The following OTOGL variants were observed in gnomAD, a reference collection of about 807,000 sequenced individuals.
The protein encoded by OTOGL is otogelin-like protein.
Under a neutral mutation model 318.5 loss-of-function variants are expected in OTOGL, and 285 were observed. The ratio of observed to expected loss-of-function variants is 0.89; its 90% CI spans 0.81 to 0.99. The LOEUF is 0.99. OTOGL is among the 50% of genes least tolerant of loss of function. The probability of loss-of-function intolerance (pLI) is 0.00; values close to 1 mark genes in which losing one functional copy is unlikely to be tolerated. For synonymous variants in OTOGL, 987 were observed against 936.5 expected (o/e 1.05, Z -0.99); for missense variants, 2,899 against 2,845.6 (o/e 1.02, Z -0.43).
intron 56 of OTOGL, among the ~76,000 whole-genome samples, chr12:80,371,246 AT>A (rs1167949052): frequency 6.6e-6 from 1 of 152,084 alleles, no homozygotes; most frequent in East Asian, 1.9e-4. Context: ...ATTTTGCAAG[AT>A]TTTTGTAGCT....
chr12:80,171,276 C>T (rs767580372), intron 1 of OTOGL, among the ~76,000 whole-genome samples: 9 of 152,036 alleles, frequency 5.9e-5, no homozygotes, highest in Non-Finnish European at 1.2e-4. Context: ...GATGGAGTCT[C>T]ACTATGTTGC....
chr12:80,239,470 A>T (rs749448888), intron 11 of OTOGL, 31 bp downstream of exon 11: 2 of 1,460,904 alleles, frequency 1.4e-6, no homozygotes, highest in East Asian at 4.8e-5. Flanking sequence ...TTGTAATAAA[A>T]TTTTCTTTAT....
chr12:80,290,789 C>G (rs1396389405), intron 26 of OTOGL, among the ~76,000 whole-genome samples: 1 of 152,154 alleles, frequency 6.6e-6, no homozygotes, highest in Non-Finnish European at 1.5e-5. Flanking sequence ...TTATTTCATT[C>G]ATTTAATAAA....
chr12:80,345,749 A>G (rs892435601), intron 44 of OTOGL, among the ~76,000 whole-genome samples: 19 of 152,228 alleles, frequency 1.2e-4, no homozygotes, highest in African/African-American at 3.6e-4. Flanking sequence ...GAGATAATTG[A>G]CTGTAGGACC....
chr12:80,198,634 A>G (rs1343795449), intron 1 of OTOGL, among the ~76,000 whole-genome samples: 1 of 152,190 alleles, frequency 6.6e-6, no homozygotes, highest in Non-Finnish European at 1.5e-5. Context: ...AAATAAATAA[A>G]CAAAACAACT....
chr12:80,100,416 T>A (rs1442077346), intron 1 of OTOGL, among the ~76,000 whole-genome samples: 1 of 152,198 alleles, frequency 6.6e-6, no homozygotes, highest in Non-Finnish European at 1.5e-5. Context: ...TATATCTTTT[T>A]ATCTAAATAT....
chr12:80,196,068 A>G (rs1249050754), intron 1 of OTOGL, among the ~76,000 whole-genome samples: 3 of 152,190 alleles, frequency 2.0e-5, no homozygotes, highest in Admixed American at 6.5e-5. Flanking sequence ...TGGGAGTTCA[A>G]TCTGGCTCTT....
chr12:80,168,190 C>T (rs1166762141), intron 1 of OTOGL, among the ~76,000 whole-genome samples: 1 of 152,036 alleles, frequency 6.6e-6, no homozygotes, highest in Non-Finnish European at 1.5e-5. Flanking sequence ...CTCCTGAGCT[C>T]AAAGTGGTCT....
At chr12:80,184,430 T>C (rs1422551184) in intron 1 of OTOGL, among the ~76,000 whole-genome samples, 1 of 152,190 alleles carries the variant, frequency 6.6e-6, no homozygotes, top group Non-Finnish European at 1.5e-5. Context: ...AAAAGACGTA[T>C]TTTTTTCTCT....
chr12:80,107,027 A>T (rs1334515933), intron 1 of OTOGL, among the ~76,000 whole-genome samples: 1 of 152,156 alleles, frequency 6.6e-6, no homozygotes, highest in Non-Finnish European at 1.5e-5. Flanking sequence ...ATAGTAATTT[A>T]TATTGAATAG....
intron 24 of OTOGL, among the ~76,000 whole-genome samples, chr12:80,275,432 C>T (rs1264943969): frequency 4.6e-5 from 7 of 151,756 alleles, no homozygotes; most frequent in Admixed American, 1.3e-4. Context: ...CTTGAATGGA[C>T]GAGGAGTTGC....
rs866396315 is a variant in OTOGL, at chr12:80,307,153, G to A, written c.3333+1458G>A. ...GGTCACCGATCAACAGGATCCCAAG[G>A]CAGAAGAATTTTTCTTAGTACAGAA... On this transcript the variant is annotated intron_variant, in intron 29 of 58. Coordinates refer to ENST00000547103, the MANE Select transcript of OTOGL (RefSeq NM_001378609.3). Among the ~76,000 whole-genome samples, 81 of 151,122 alleles carry A rather than the reference G, an allele frequency of 5.4e-4. No individual in the cohort carries two copies. In the Middle Eastern group the frequency reaches 0.014, roughly 25 times the overall value.
At chr12:80,180,766 G>C (rs1592523949) in intron 1 of OTOGL, among the ~76,000 whole-genome samples, 1 of 152,180 alleles carries the variant, frequency 6.6e-6, no homozygotes, top group East Asian at 1.9e-4. Flanking sequence ...CAGTGTCAAG[G>C]AGGGGGTAGT....
chr12:80,318,637 G>A lies in OTOGL; in HGVS notation c.3726G>A (p.Leu1242=). The change falls in exon 33 of 59, where the codon TTG becomes TTA. Residue 1242 remains leucine, a synonymous_variant. Transcript: ENST00000547103. ...TGACCAGCAGAAGCGTTTTCTGTTT[G>A]CCGAGAAGCAGTGTTCATACCAGTT... ...ANMTSRSVFC[L]PRSSVHTSLF... is the part of the protein sequence containing the mutation. 1.4e-6 allele frequency: 2 copies of A among 1,474,268 alleles called. No individual in the cohort carries two copies. Among genetic ancestry groups the A allele is most frequent in the Non-Finnish European group, 1.8e-6 (2 of 1,110,916 alleles). The allele number at this position is 1,474,268 out of a possible 1,614,324, so 91.3% of individuals were successfully genotyped here. A position where few individuals can be genotyped will look rare whatever the true frequency, so the allele number is the denominator to read the frequency against.
intron 40 of OTOGL, 102 bp downstream of exon 40, chr12:80,336,657 A>G (rs907253835): frequency 1.4e-6 from 2 of 1,439,428 alleles, no homozygotes; most frequent in African/African-American, 1.4e-5. Flanking sequence ...TCAAGAACTC[A>G]CTGAGATCGG....
At chr12:80,214,959 T>C (rs1368563629) in intron 4 of OTOGL, among the ~76,000 whole-genome samples, 1 of 152,192 alleles carries the variant, frequency 6.6e-6, no homozygotes, top group African/African-American at 2.4e-5. Context: ...TGTATTATGA[T>C]GTATGGGATG....
At chr12:80,336,889 G>C in intron 41 of OTOGL, 23 bp from the exon 42 acceptor site, 1 of 1,552,826 alleles carries the variant, frequency 6.4e-7, no homozygotes, top group Non-Finnish European at 8.7e-7. Flanking sequence ...ACTCCGTAAA[G>C]TTTTAATTTT....
intron 1 of OTOGL, among the ~76,000 whole-genome samples, chr12:80,140,538 A>G (rs763515474): frequency 2.6e-5 from 4 of 152,112 alleles, no homozygotes; most frequent in Non-Finnish European, 5.9e-5. Flanking sequence ...AAAAGTGAGG[A>G]CTCTGGAATT....
At chr12:80,171,351 A>G (rs1305477637) in intron 1 of OTOGL, among the ~76,000 whole-genome samples, 1 of 152,232 alleles carries the variant, frequency 6.6e-6, no homozygotes, top group South Asian at 2.1e-4. Context: ...AAGTTCTGGG[A>G]TTACAGACAT....
Sources: gnomAD v4.1 joint callset for allele counts (sites outside exome capture counted in the v4.1 genomes callset) on GRCh38, gnomAD v4.1.1 for gene constraint, MANE v1.5 for transcripts, NCBI Gene and HGNC (gene_info 2026-07-23, HGNC 2026-07-21) for gene names.